ANKS3: variants seen among roughly 807,000 people sequenced by gnomAD.
ANKS3 encodes the protein ankyrin repeat and SAM domain-containing protein 3.
In ANKS3, 62 loss-of-function variants were observed where a neutral mutation model predicts 80.7. The observed-to-expected ratio is 0.77, with a 90% confidence interval of 0.63 to 0.95. ANKS3 has a LOEUF of 0.95. Ranked by LOEUF, ANKS3 falls within the 40% of genes least tolerant of loss-of-function variation. ANKS3 has a pLI of 0.00. For synonymous variants in ANKS3, 489 were observed against 355.3 expected (o/e 1.38, Z -4.23); for missense variants, 1,150 against 883.6 (o/e 1.30, Z -3.82).
At chr16:4,699,536 T>C (rs1311808003) in intron 11 of ANKS3, 3 of 260,206 alleles carry the variant, frequency 1.2e-5, no homozygotes, top group East Asian at 8.3e-5. Context: ...TCGGATGTTC[T>C]GATTTCCACT....
At chr16:4,702,930 G>T (rs2079994645) in intron 8 of ANKS3, among the ~76,000 whole-genome samples, 1 of 152,098 alleles carries the variant, frequency 6.6e-6, no homozygotes, top group Non-Finnish European at 1.5e-5. Flanking sequence ...TTGAGCTCAG[G>T]AACTGGAGCC....
In ANKS3 at chr16:4,722,443, T is replaced by C. The variant is rs531606783; in HGVS notation, c.573+2307A>G. 5.9e-5 allele frequency among the ~76,000 whole-genome samples: 9 copies of C among 151,814 alleles called. No homozygotes were observed. In the South Asian group the frequency reaches 1.9e-3, roughly 32 times the overall value. ...AAAATACAAAAAATTAGCCGGGATT[T>C]TTTGTATTTTTAGTCCCAGCTACTC... is the stretch of plus-strand genomic sequence containing the variant. On this transcript the variant is annotated intron_variant, in intron 6 of 17. Coordinates refer to ENST00000304283, the MANE Select transcript of ANKS3 (RefSeq NM_133450.4).
At chr16:4,703,727 C>T (rs1036016242) in intron 8 of ANKS3, among the ~76,000 whole-genome samples, 7 of 152,148 alleles carry the variant, frequency 4.6e-5, no homozygotes, top group Admixed American at 1.3e-4. Context: ...TTCTTAATTA[C>T]TGGCAAATAA....
intron 7 of ANKS3, among the ~76,000 whole-genome samples, chr16:4,707,778 G>A (rs2080276125): frequency 1.3e-5 from 2 of 152,126 alleles, no homozygotes; most frequent in Non-Finnish European, 2.9e-5. Context: ...ACAGATAATA[G>A]AGAATACAAC....
chr16:4,723,814 T>C (rs911586069), intron 6 of ANKS3, among the ~76,000 whole-genome samples: 1 of 152,088 alleles, frequency 6.6e-6, no homozygotes, highest in Admixed American at 6.5e-5. Context: ...CCCAGCACTT[T>C]GGGAGGCTGA....
intron 16 of ANKS3, 91 bp downstream of exon 16, chr16:4,697,242 G>A: frequency 1.3e-6 from 2 of 1,544,158 alleles, no homozygotes; most frequent in East Asian, 2.3e-5. Flanking sequence ...TTGGGGTAGA[G>A]AGACACAAAC....
At chr16:4,714,416 T>A (rs910257729) in intron 6 of ANKS3, 1 of 591,730 alleles carries the variant, frequency 1.7e-6, no homozygotes. Context: ...GGCTGGGGAG[T>A]CATCTCCCAC....
At position 4,698,896 on chromosome 16, in the gene ANKS3, C is replaced by A; in HGVS notation, c.1455G>T (p.Trp485Cys). 6.3e-7 allele frequency: 1 copy of A among 1,599,738 alleles called. No homozygotes were observed. Among genetic ancestry groups the A allele is most frequent in the Admixed American group, 1.7e-5 (1 of 59,224 alleles). ...KRKMTSAIARWHSSARPPGDA... is the reference protein window; with the variant it reads ...KRKMTSAIARCHSSARPPGDA... The stretch of plus-strand genomic sequence containing the variant: ...CCCCGGGTGGGCGGGCACTGCTGTG[C>A]CAGCGGGCAATGGCGGACGTCATCT... Residue 485 changes from tryptophan (W) to cysteine (C), a missense_variant, in exon 13 of 18, where the codon TGG (tryptophan) becomes TGT (cysteine). Physicochemically the swap from Trp to Cys is radical, Grantham distance 215 (BLOSUM62 -2). Transcript: ENST00000304283.
chr16:4,723,432 T>C (rs1210159966), intron 6 of ANKS3, among the ~76,000 whole-genome samples: 2 of 152,196 alleles, frequency 1.3e-5, no homozygotes, highest in Non-Finnish European at 1.5e-5. Flanking sequence ...TTCCTTTTCT[T>C]TTTCTTTTTG....
At chr16:4,701,577 C>T in intron 9 of ANKS3, 34 bp from the exon 10 acceptor site, 1 of 1,577,466 alleles carries the variant, frequency 6.3e-7, no homozygotes. Context: ...CCGCCTGCAG[C>T]CCTCACCGAG....
At chr16:4,697,911 A>G in intron 15 of ANKS3, 66 bp downstream of exon 15, 1 of 1,395,944 alleles carries the variant, frequency 7.2e-7, no homozygotes. Context: ...CCACTGGGTC[A>G]AACCTGGCTT....
chr16:4,701,567 C>T (rs1396884626), intron 9 of ANKS3, 24 bp from the exon 10 acceptor site: 2 of 1,589,828 alleles, frequency 1.3e-6, no homozygotes, highest in Non-Finnish European at 8.6e-7. Flanking sequence ...GACAGGGCGT[C>T]CGCCTGCAGC....
intron 6 of ANKS3, among the ~76,000 whole-genome samples, chr16:4,715,577 T>C (rs1296723912): frequency 1.3e-5 from 2 of 151,996 alleles, no homozygotes; most frequent in African/African-American, 2.4e-5. Flanking sequence ...GCCTGGGCAA[T>C]AGAGCGAGAC....
chr16:4,733,989 G>T lies in ANKS3; in HGVS notation c.-122C>A, dbSNP rs563613608. 224 of 985,498 alleles carry T rather than the reference G, an allele frequency of 2.3e-4. No individual in the cohort carries two copies. Among genetic ancestry groups the T allele is most frequent in the Non-Finnish European group, 2.6e-4 (213 of 829,956 alleles). 61.0% of individuals were successfully genotyped at this position (985,498 alleles called of 1,614,324 possible). On this transcript the variant is annotated 5_prime_UTR_variant, in exon 1 of 18. Transcript: ENST00000304283. ...GGCCACATCCCCACAGGAACGCTACGGCGCACAGGGCATTACTGTGCCCCC... is the reference window on the plus strand; with the variant it reads ...GGCCACATCCCCACAGGAACGCTACTGCGCACAGGGCATTACTGTGCCCCC...
intron 7 of ANKS3, among the ~76,000 whole-genome samples, chr16:4,711,057 G>C (rs1236077035): frequency 6.6e-6 from 1 of 151,040 alleles, no homozygotes; most frequent in Non-Finnish European, 1.5e-5. Context: ...CCAAAGTGCT[G>C]AGATTACAGG....
intron 10 of ANKS3, 21 bp downstream of exon 10, chr16:4,701,413 C>G (rs760081565): frequency 6.3e-7 from 1 of 1,577,396 alleles, no homozygotes. Context: ...TATGGGAGAC[C>G]AAGAAAGAAA....
At chr16:4,696,929 G>T in intron 17 of ANKS3, 33 bp from the exon 18 acceptor site, 2 of 1,199,226 alleles carry the variant, frequency 1.7e-6, no homozygotes, top group Non-Finnish European at 2.4e-6. Flanking sequence ...GAAGGGAGGG[G>T]GACAGGTGGG....
chr16:4,699,439 C>T (rs1053136074), intron 11 of ANKS3: 1 of 514,906 alleles, frequency 1.9e-6, no homozygotes, highest in Non-Finnish European at 3.5e-6. Flanking sequence ...CACACATGCT[C>T]AGTTCTGTGA....
intron 7 of ANKS3, among the ~76,000 whole-genome samples, chr16:4,709,341 G>C (rs1286480473): frequency 6.6e-6 from 1 of 151,820 alleles, no homozygotes; most frequent in Non-Finnish European, 1.5e-5. Flanking sequence ...GGGAGGTGGA[G>C]GTTGCAGTGA....
Sources: allele counts gnomAD v4.1 joint callset (sites outside exome capture counted in the v4.1 genomes callset), GRCh38; gene constraint gnomAD v4.1.1; transcripts MANE v1.5; gene names NCBI Gene and HGNC (gene_info 2026-07-23, HGNC 2026-07-21).